Variants in TAMM41 observed in about 807,000 individuals in gnomAD.
TAMM41 encodes TAM41 mitochondrial translocator assembly and maintenance homolog.
TAMM41 carries 36 observed loss-of-function variants against 44.1 expected under a neutral mutation model. The ratio of observed to expected loss-of-function variants is 0.82; its 90% CI spans 0.63 to 1.08. TAMM41 has a LOEUF of 1.08. Ranked by LOEUF, TAMM41 falls within the 50% of genes least tolerant of loss-of-function variation. The pLI, the probability that TAMM41 is intolerant of heterozygous loss-of-function variation, is 0.00. For missense variants in TAMM41, 417 were observed against 404.3 expected (o/e 1.03, Z -0.27); for synonymous variants, 164 against 153.1 (o/e 1.07, Z -0.53).
the TAMM41 span, among the ~76,000 whole-genome samples, chr3:11,733,541 G>A: frequency 3.3e-3 from 497 of 151,350 alleles, 2 homozygotes; most frequent in African/African-American, 0.011. Flanking sequence ...CACCCAGGCT[G>A]GAGTGCAGTG....
At chr3:11,812,809 G>C (rs924424890) in intron 5 of TAMM41, among the ~76,000 whole-genome samples, 2 of 152,170 alleles carry the variant, frequency 1.3e-5, no homozygotes, top group African/African-American at 4.8e-5. Flanking sequence ...AAGTGCGGTA[G>C]CCAGGGTCCT....
In TAMM41 at chr3:11,821,679, A is replaced by G. The variant is rs367778803; in HGVS notation, c.563-4342T>C. Among the ~76,000 whole-genome samples, 203 of 152,318 alleles carry G rather than the reference A, an allele frequency of 1.3e-3. 1 individual carries two copies. The highest frequency in any genetic ancestry group is 7.0e-3 in the South Asian group (34 of 4,824). ...GATATGTATATAGCATAGTCGAAGG[A>G]TGGAGGGTAGAGGAAGCGCTGGGTC... On this transcript the variant is annotated intron_variant, in intron 4 of 7. Transcript: ENST00000455809.
intron 4 of TAMM41, among the ~76,000 whole-genome samples, chr3:11,825,746 G>A (rs190412051): frequency 5.9e-5 from 9 of 152,190 alleles, no homozygotes; most frequent in Admixed American, 5.2e-4. Context: ...AGATGAAATG[G>A]GGCTGTCATG....
the TAMM41 span, among the ~76,000 whole-genome samples, chr3:11,784,796 C>CA: frequency 3.7e-5 from 4 of 109,034 alleles, no homozygotes; most frequent in African/African-American, 1.5e-4. Context: ...CTTTTCTTTT[C>CA]TTTTTTTTTT....
chr3:11,824,455 G>C (rs977388179), intron 4 of TAMM41, among the ~76,000 whole-genome samples: 1 of 146,140 alleles, frequency 6.8e-6, no homozygotes, highest in Non-Finnish European at 1.5e-5. Context: ...TCGCCCGCCC[G>C]GCTAATTTCT....
At chr3:11,748,366 T>A in the TAMM41 span, among the ~76,000 whole-genome samples, 7 of 152,052 alleles carry the variant, frequency 4.6e-5, no homozygotes, top group Non-Finnish European at 1.0e-4. Flanking sequence ...CACTGCAGCC[T>A]CTGCCTCCCA....
the TAMM41 span, among the ~76,000 whole-genome samples, chr3:11,739,476 G>A: frequency 6.6e-6 from 1 of 152,108 alleles, no homozygotes; most frequent in East Asian, 1.9e-4. Context: ...GGCATGCTGT[G>A]GCCATCTTGC....
chr3:11,786,004 C>T (rs1337235226), downstream of TAMM41, among the ~76,000 whole-genome samples: 1 of 152,092 alleles, frequency 6.6e-6, no homozygotes, highest in Admixed American at 6.5e-5. Context: ...TATACAGTAT[C>T]TAATGCTGTG....
chr3:11,765,789 C>T, the TAMM41 span, among the ~76,000 whole-genome samples: 2 of 151,708 alleles, frequency 1.3e-5, no homozygotes, highest in African/African-American at 4.8e-5. Flanking sequence ...GCAAGCTCTG[C>T]CTCCCAGGTT....
intron 2 of TAMM41, among the ~76,000 whole-genome samples, chr3:11,841,969 A>G (rs1196866851): frequency 6.6e-6 from 1 of 152,200 alleles, no homozygotes; most frequent in African/African-American, 2.4e-5. Flanking sequence ...GGGTATGCAG[A>G]CGTCACCAGT....
chr3:11,729,935 G>T, the TAMM41 span, among the ~76,000 whole-genome samples: 1 of 152,146 alleles, frequency 6.6e-6, no homozygotes, highest in Non-Finnish European at 1.5e-5. Context: ...GTCCCATTAT[G>T]CAGATGAGAA....
chr3:11,846,058 T>C (rs2079670574), intron 1 of TAMM41, among the ~76,000 whole-genome samples: 2 of 152,236 alleles, frequency 1.3e-5, no homozygotes, highest in South Asian at 4.1e-4. Flanking sequence ...GGCTGCGCAT[T>C]AGAATCACCT....
chr3:11,722,526 A>G, the TAMM41 span, among the ~76,000 whole-genome samples: 2 of 152,242 alleles, frequency 1.3e-5, no homozygotes, highest in African/African-American at 2.4e-5. Context: ...TTAAGTCCCA[A>G]AAGATTACAT....
At position 11,846,671 on chromosome 3, in the gene TAMM41, AGGGCGAGGACAACC is replaced by A; in HGVS notation, c.-49_-36del. On this transcript the variant is annotated 5_prime_UTR_variant, in exon 1 of 8. Coordinates refer to ENST00000455809, the MANE Select transcript of TAMM41 (RefSeq NM_001284401.2). ...GCTAACAGGGGACACTCAGCGCAGCAGGGCGAGGACAACCGGGCGGGGAACAGACACCGGGTAGG... is the reference window on the plus strand; with the variant it reads ...GCTAACAGGGGACACTCAGCGCAGCAGGGCGGGGAACAGACACCGGGTAGG... 1 of 1,613,710 alleles carries A rather than the reference AGGGCGAGGACAACC, an allele frequency of 6.2e-7. No homozygotes were observed. The highest frequency in any genetic ancestry group is 1.3e-5 in the African/African-American group (1 of 75,074).
intron 4 of TAMM41, among the ~76,000 whole-genome samples, chr3:11,829,161 C>G (rs1017509606): frequency 4.6e-5 from 7 of 152,054 alleles, no homozygotes; most frequent in African/African-American, 1.7e-4. Context: ...TTTACACATA[C>G]AGAGAAAACA....
the TAMM41 span, among the ~76,000 whole-genome samples, chr3:11,725,425 TTC>T: frequency 4.4e-5 from 3 of 68,048 alleles, no homozygotes; most frequent in African/African-American, 7.5e-5. Flanking sequence ...TTCTTCTTCT[TTC>T]CTCCTCCTCC....
At chr3:11,802,325 CAAGAA>C (rs1408287284) in intron 7 of TAMM41, among the ~76,000 whole-genome samples, 2 of 152,096 alleles carry the variant, frequency 1.3e-5, no homozygotes, top group African/African-American at 2.4e-5. Context: ...AGATACAAGA[CAAGAA>C]GAGATACAAA....
the TAMM41 span, among the ~76,000 whole-genome samples, chr3:11,762,255 T>C: frequency 2.0e-5 from 3 of 152,188 alleles, no homozygotes; most frequent in Admixed American, 2.0e-4. Flanking sequence ...AGGGAAACCC[T>C]CAAAGCACAA....
chr3:11,737,296 T>C, the TAMM41 span, among the ~76,000 whole-genome samples: 1 of 69,242 alleles, frequency 1.4e-5, no homozygotes, highest in African/African-American at 6.5e-5. Context: ...TTATTATTAT[T>C]ATTATTATTA....
Sources: gnomAD v4.1 joint callset for allele counts (sites outside exome capture counted in the v4.1 genomes callset) on GRCh38, gnomAD v4.1.1 for gene constraint, MANE v1.5 for transcripts, NCBI Gene and HGNC (gene_info 2026-07-23, HGNC 2026-07-21) for gene names.